Variants in TBL1XR1 observed in about 807,000 individuals in gnomAD.
TBL1XR1 encodes the protein F-box-like/WD repeat-containing protein TBL1XR1.
A neutral mutation model predicts 66.9 loss-of-function variants in TBL1XR1; 5 were observed. That is an observed-to-expected ratio of 0.07 (90% CI 0.04 to 0.16). The LOEUF (loss-of-function observed/expected upper bound fraction) is 0.16. TBL1XR1 is among the 10% of genes least tolerant of loss of function. The pLI, the probability that TBL1XR1 is intolerant of heterozygous loss-of-function variation, is 1.00. For synonymous variants in TBL1XR1, 210 were observed against 206.0 expected (o/e 1.02, Z -0.17); for missense variants, 238 against 623.2 (o/e 0.38, Z 6.58).
At chr3:177,029,097 A>G (rs904239926) in intron 14 of TBL1XR1, among the ~76,000 whole-genome samples, 1 of 151,854 alleles carries the variant, frequency 6.6e-6, no homozygotes, top group African/African-American at 2.4e-5. Context: ...TGATATCTAT[A>G]AGGAAAAATG....
chr3:177,117,566 C>T (rs1412480473), intron 1 of TBL1XR1, among the ~76,000 whole-genome samples: 1 of 152,130 alleles, frequency 6.6e-6, no homozygotes, highest in African/African-American at 2.4e-5. Flanking sequence ...GCAGCATAAG[C>T]TCTCGGGTCT....
intron 1 of TBL1XR1, among the ~76,000 whole-genome samples, chr3:177,122,674 T>C (rs1727119513): frequency 6.6e-6 from 1 of 152,188 alleles, no homozygotes; most frequent in East Asian, 1.9e-4. Flanking sequence ...TTCTAGCAGA[T>C]AGGGCTAAAT....
intron 1 of TBL1XR1, among the ~76,000 whole-genome samples, chr3:177,130,205 C>A (rs549119038): frequency 6.6e-5 from 10 of 151,724 alleles, no homozygotes; most frequent in Admixed American, 4.6e-4. Context: ...TGCACATATC[C>A]TTTGACCGTG....
At chr3:177,075,502 A>C (rs1720591197) in intron 2 of TBL1XR1, among the ~76,000 whole-genome samples, 1 of 152,228 alleles carries the variant, frequency 6.6e-6, no homozygotes, top group African/African-American at 2.4e-5. Flanking sequence ...TCTAGCTTTC[A>C]AAACTTCCCT....
chr3:177,075,347 G>C (rs1189407529), intron 2 of TBL1XR1, among the ~76,000 whole-genome samples: 2 of 152,168 alleles, frequency 1.3e-5, no homozygotes, highest in East Asian at 1.9e-4. Context: ...AAAAACACCA[G>C]TCATACTGGA....
intron 2 of TBL1XR1, among the ~76,000 whole-genome samples, chr3:177,091,955 T>C (rs1219328501): frequency 1.3e-5 from 2 of 152,226 alleles, no homozygotes; most frequent in African/African-American, 4.8e-5. Flanking sequence ...ATAATGGTTC[T>C]AGGAATGATC....
chr3:177,189,649 CAAA>C (rs761647251), intron 1 of TBL1XR1, among the ~76,000 whole-genome samples: 3 of 45,260 alleles, frequency 6.6e-5, no homozygotes, highest in African/African-American at 8.6e-5. Context: ...GACTCCATCT[CAAA>C]AAAAAAAAAA....
At chr3:177,182,448 A>G (rs1371630290) in intron 1 of TBL1XR1, among the ~76,000 whole-genome samples, 15 of 152,212 alleles carry the variant, frequency 9.9e-5, no homozygotes, top group Non-Finnish European at 5.9e-5. Context: ...AATTTGTGAA[A>G]CTGGATGTAT....
Position 177,123,066 on chromosome 3 carries a change from T to C in TBL1XR1, c.-121-24525A>G, listed in dbSNP as rs746716023. On this transcript the variant is annotated intron_variant, in intron 1 of 15. Coordinates refer to ENST00000457928, the MANE Select transcript of TBL1XR1 (RefSeq NM_024665.7). ...ATCTTTTAATTGAGAGGAGGGGAAATAGAAGTCTTTTGCTAACTCCTATAA... is the reference window on the plus strand; with the variant it reads ...ATCTTTTAATTGAGAGGAGGGGAAACAGAAGTCTTTTGCTAACTCCTATAA... 2.6e-5 allele frequency among the ~76,000 whole-genome samples: 4 copies of C among 152,074 alleles called. 1 individual carries two copies. The highest frequency in any genetic ancestry group is 4.1e-4 in the South Asian group (2 of 4,834).
intron 1 of TBL1XR1, among the ~76,000 whole-genome samples, chr3:177,196,656 T>G (rs1736895181): frequency 1.3e-5 from 2 of 151,942 alleles, no homozygotes; most frequent in South Asian, 4.1e-4. Context: ...CCTTCTCCTC[T>G]GCTAAAAATA....
chr3:177,066,135 C>A (rs1258535155), intron 2 of TBL1XR1, among the ~76,000 whole-genome samples: 1 of 152,044 alleles, frequency 6.6e-6, no homozygotes, highest in African/African-American at 2.4e-5. Flanking sequence ...TCATGGATTT[C>A]TTTATGATAC....
rs1031556234 is a variant in TBL1XR1, at chr3:177,181,695, G to A, written c.-122+15426C>T. 3.9e-5 allele frequency among the ~76,000 whole-genome samples: 6 copies of A among 152,018 alleles called. No homozygotes were observed. The South Asian group carries it at 1.0e-3, about 26-fold the overall frequency. The stretch of plus-strand genomic sequence containing the variant: ...GTATACACATCCTTTGACCTCTGAG[G>A]GAAAACCACAGTCAAAGAGAAGGGC... On this transcript the variant is annotated intron_variant, in intron 1 of 15. Coordinates refer to ENST00000457928, the MANE Select transcript of TBL1XR1 (RefSeq NM_024665.7).
chr3:177,171,576 G>A (rs545085130), intron 1 of TBL1XR1, among the ~76,000 whole-genome samples: 5 of 151,536 alleles, frequency 3.3e-5, no homozygotes, highest in South Asian at 2.1e-4. Context: ...GGTGGCGGGC[G>A]CCTGTAGTCC....
intron 2 of TBL1XR1, among the ~76,000 whole-genome samples, chr3:177,094,649 T>G (rs1322415534): frequency 6.6e-6 from 1 of 152,186 alleles, no homozygotes; most frequent in Non-Finnish European, 1.5e-5. Context: ...CAAAAAGGAA[T>G]GGATAATGGC....
chr3:177,039,709 C>T (rs1377064119), intron 10 of TBL1XR1, among the ~76,000 whole-genome samples: 1 of 152,092 alleles, frequency 6.6e-6, no homozygotes, highest in Non-Finnish European at 1.5e-5. Context: ...TCAAAGACTG[C>T]ATTTAAAGCA....
intron 1 of TBL1XR1, among the ~76,000 whole-genome samples, chr3:177,168,211 A>C (rs1733052841): frequency 6.6e-6 from 1 of 152,216 alleles, no homozygotes; most frequent in African/African-American, 2.4e-5. Flanking sequence ...ATTTAGGTAC[A>C]CAAAATTCTA....
chr3:177,049,450 T>C lies in TBL1XR1; in HGVS notation c.702+547A>G, dbSNP rs1297997113. ...AGTTGTCCTGAAAGATGTTGAATCA[T>C]ACACAGAATCAGAGAATTACAAGAT... On this transcript the variant is annotated intron_variant, in intron 7 of 15. Coordinates refer to ENST00000457928, the MANE Select transcript of TBL1XR1 (RefSeq NM_024665.7). 2.0e-5 allele frequency among the ~76,000 whole-genome samples: 3 copies of C among 152,336 alleles called. No individual in the cohort carries two copies. In the East Asian group the frequency reaches 5.8e-4, roughly 29 times the overall value.
Position 177,101,651 on chromosome 3 carries a change from G to A in TBL1XR1, c.-121-3110C>T, listed in dbSNP as rs182253820. ...CAGTAAGAAGGCCCTTCCCACAGGC[G>A]GCCCCTCAAGCCTGGACTTTCTAGC... On this transcript the variant is annotated intron_variant, in intron 1 of 15. Transcript: ENST00000457928. 6.5e-3 allele frequency among the ~76,000 whole-genome samples: 990 copies of A among 152,220 alleles called. 12 individuals carry two copies. The highest frequency in any genetic ancestry group is 8.0e-3 in the Non-Finnish European group (546 of 68,020).
intron 1 of TBL1XR1, among the ~76,000 whole-genome samples, chr3:177,178,374 A>C (rs1408177728): frequency 1.3e-5 from 2 of 152,218 alleles, no homozygotes; most frequent in Admixed American, 1.3e-4. Context: ...GCACTCTATA[A>C]AACAATATAA....
Sources: gnomAD v4.1 joint callset for allele counts (sites outside exome capture counted in the v4.1 genomes callset) on GRCh38, gnomAD v4.1.1 for gene constraint, MANE v1.5 for transcripts, NCBI Gene and HGNC (gene_info 2026-07-23, HGNC 2026-07-21) for gene names.